ZNF398: variants seen among roughly 807,000 people sequenced by gnomAD.
ZNF398 encodes zinc finger DNA binding protein ZER6.
A neutral mutation model predicts 41.9 loss-of-function variants in ZNF398; 18 were observed. The ratio of observed to expected loss-of-function variants is 0.43; its 90% confidence interval spans 0.30 to 0.64. The LOEUF (loss-of-function observed/expected upper bound fraction) is 0.64. Ranked by LOEUF, ZNF398 falls within the 30% of genes least tolerant of loss-of-function variation. The pLI is 0.14. For missense variants in ZNF398, 669 were observed against 822.8 expected (o/e 0.81, Z 2.29); for synonymous variants, 260 against 308.8 (o/e 0.84, Z 1.66).
chr7:149,177,633 T>C (rs551534100), intron 5 of ZNF398, among the ~76,000 whole-genome samples: 20 of 152,270 alleles, frequency 1.3e-4, no homozygotes, highest in Admixed American at 1.1e-3. Context: ...GTATACTCTG[T>C]TCTCAGGGGA....
chr7:149,134,255 T>G (rs34098101), intron 2 of ZNF398, among the ~76,000 whole-genome samples: 7,884 of 151,772 alleles, frequency 0.052, 206 homozygotes, highest in Middle Eastern at 0.071. Flanking sequence ...TTGTTTTTTT[T>G]GGATTTTTAG....
chr7:149,156,261 C>G (rs1248034460), intron 2 of ZNF398, among the ~76,000 whole-genome samples: 4 of 151,858 alleles, frequency 2.6e-5, no homozygotes, highest in African/African-American at 9.7e-5. Flanking sequence ...AATCCCACCA[C>G]TTTGGGAGGT....
At chr7:149,151,866 A>G (rs1305546490) in intron 1 of ZNF398, among the ~76,000 whole-genome samples, 1 of 150,414 alleles carries the variant, frequency 6.6e-6, no homozygotes, top group Non-Finnish European at 1.5e-5. Flanking sequence ...GGCTCACTGT[A>G]ACCTCTGCCT....
At chr7:149,153,853 T>G in intron 1 of ZNF398, 92 bp from the exon 2 acceptor site, 2 of 1,404,562 alleles carry the variant, frequency 1.4e-6, no homozygotes, top group Non-Finnish European at 1.9e-6. Flanking sequence ...TAATCTCTGC[T>G]GGACAGTTAA....
intron 2 of ZNF398, among the ~76,000 whole-genome samples, chr7:149,142,180 CAAG>C (rs1035259960): frequency 1.3e-4 from 20 of 152,178 alleles, no homozygotes; most frequent in African/African-American, 4.8e-4. Flanking sequence ...GAGATTTCCC[CAAG>C]ATCTTATTCT....
chr7:149,151,266 G>A (rs917123), intron 1 of ZNF398: 779,991 of 1,246,868 alleles, frequency 0.63, 252,840 homozygotes, highest in East Asian at 0.9. Context: ...ATTCAAGGCC[G>A]GAGGTTAGCT....
At chr7:149,151,216 C>T (rs1827104481) in intron 1 of ZNF398, 1 of 1,210,962 alleles carries the variant, frequency 8.3e-7, no homozygotes, top group Non-Finnish European at 1.1e-6. Flanking sequence ...GGCACGCTTA[C>T]TAATCTGCTT....
chr7:149,174,390 A>T lies in ZNF398; in HGVS notation c.662-2078A>T, dbSNP rs188108395. ...TTTTTAGTAGAGACAGGGTTTTACC[A>T]TGTTGGTCAGGGTGGTCTTGAACTC... On this transcript the variant is annotated intron_variant, in intron 4 of 5. Coordinates refer to ENST00000475153, the MANE Select transcript of ZNF398 (RefSeq NM_170686.3). Among the ~76,000 whole-genome samples, 295 of 152,186 alleles carry T rather than the reference A, an allele frequency of 1.9e-3. 1 individual carries two copies. Among genetic ancestry groups the T allele is most frequent in the African/African-American group, 6.7e-3 (278 of 41,532 alleles).
intron 2 of ZNF398, 136 bp from the exon 3 acceptor site, chr7:149,166,022 C>G: frequency 9.9e-7 from 1 of 1,005,788 alleles, no homozygotes; most frequent in African/African-American, 1.6e-5. Flanking sequence ...TAAAAGAAAC[C>G]ATTTCAGAGA....
At chr7:149,131,640 C>G (rs148650267) in intron 2 of ZNF398, among the ~76,000 whole-genome samples, 4 of 152,076 alleles carry the variant, frequency 2.6e-5, no homozygotes, top group Non-Finnish European at 5.9e-5. Context: ...GAGCCAAGAT[C>G]GGGCCACTGC....
chr7:149,158,015 G>A (rs866577687), intron 2 of ZNF398, among the ~76,000 whole-genome samples: 2 of 152,148 alleles, frequency 1.3e-5, no homozygotes. Context: ...CCAGGAGGTG[G>A]AGGTTGCAGT....
intron 2 of ZNF398, among the ~76,000 whole-genome samples, chr7:149,155,163 T>C (rs999380616): frequency 6.6e-6 from 1 of 150,470 alleles, no homozygotes; most frequent in African/African-American, 2.4e-5. Flanking sequence ...GGCTCACACC[T>C]GTAAACCCAG....
In ZNF398 at chr7:149,153,934, A is replaced by G; in HGVS notation, c.25-11A>G. On this transcript the variant is annotated splice_polypyrimidine_tract_variant and intron_variant, in intron 1 of 5. Transcript: ENST00000475153. ...ACTCAATGTCTTGTTCCATCTTTCC[A>G]CTGCATGCAGACATCTGAATGGGAC... is the stretch of plus-strand genomic sequence containing the variant. 6.3e-7 allele frequency: 1 copy of G among 1,595,972 alleles called. No individual in the cohort carries two copies. The highest frequency in any genetic ancestry group is 8.5e-7 in the Non-Finnish European group (1 of 1,171,628).
chr7:149,166,077 T>A, intron 2 of ZNF398, 81 bp from the exon 3 acceptor site: 1 of 1,453,772 alleles, frequency 6.9e-7, no homozygotes. Context: ...GTAAAAAAAA[T>A]AAAAGGAACT....
At chr7:149,177,662 C>T (rs1480776398) in intron 5 of ZNF398, among the ~76,000 whole-genome samples, 1 of 152,010 alleles carries the variant, frequency 6.6e-6, no homozygotes, top group African/African-American at 2.4e-5. Context: ...GACAGCTGAC[C>T]ACAGTGATGG....
chr7:149,154,594 A>ATT (rs36105839), intron 2 of ZNF398, among the ~76,000 whole-genome samples: 4 of 151,654 alleles, frequency 2.6e-5, no homozygotes, highest in African/African-American at 9.7e-5. Context: ...TGGTAGATGG[A>ATT]TTTTTTTTCT....
chr7:149,166,411 C>A, intron 3 of ZNF398, 127 bp downstream of exon 3: 1 of 1,098,436 alleles, frequency 9.1e-7, no homozygotes, highest in Non-Finnish European at 1.3e-6. Context: ...GGTTTCAAGC[C>A]AAAATATGAC....
Position 149,178,712 on chromosome 7 carries a change from C to G in ZNF398, c.840C>G (p.Val280=). Residue 280 remains valine, a synonymous_variant, in exon 6 of 6, where the codon GTC becomes GTG. Transcript: ENST00000475153. ...CCTCGTTGTGCCCTGAGGTTCCAGT[C>G]CCTTTCTCTTCTCCACCAGCAGCAG... ...ARSSLCPEVP[V]PFSSPPAAAK... 1 of 1,614,158 alleles carries G rather than the reference C, an allele frequency of 6.2e-7. No individual in the cohort carries two copies. Among genetic ancestry groups the G allele is most frequent in the Non-Finnish European group, 8.5e-7 (1 of 1,180,038 alleles).
chr7:149,146,901 G>A (rs1401243497), upstream of ZNF398, among the ~76,000 whole-genome samples: 1 of 152,076 alleles, frequency 6.6e-6, no homozygotes, highest in Non-Finnish European at 1.5e-5. Flanking sequence ...AGGCCCCGGA[G>A]AGTCAATAAT....
Sources: gnomAD v4.1 joint callset for allele counts (sites outside exome capture counted in the v4.1 genomes callset) on GRCh38, gnomAD v4.1.1 for gene constraint, MANE v1.5 for transcripts, NCBI Gene and HGNC (gene_info 2026-07-23, HGNC 2026-07-21) for gene names.